CPEB4: variants seen among roughly 807,000 people sequenced by gnomAD.
CPEB4 encodes the protein cytoplasmic polyadenylation element-binding protein 4.
Under a neutral mutation model 72.5 loss-of-function variants are expected in CPEB4, and 12 were observed. That is an observed-to-expected ratio of 0.17 (90% CI 0.11 to 0.27). The LOEUF (loss-of-function observed/expected upper bound fraction) is 0.27, where lower values mean the gene tolerates loss of function less well. Among genes scored for constraint, CPEB4 ranks in the 10% least tolerant of loss-of-function variants. CPEB4 has a pLI of 1.00. For missense variants in CPEB4, 614 were observed against 908.5 expected (o/e 0.68, Z 4.17); for synonymous variants, 302 against 326.3 (o/e 0.93, Z 0.80).
intron 2 of CPEB4, among the ~76,000 whole-genome samples, chr5:173,913,338 C>T (rs1756736878): frequency 6.6e-6 from 1 of 152,066 alleles, no homozygotes; most frequent in African/African-American, 2.4e-5. Context: ...GCTGGGACTA[C>T]AGGCGCCTGC....
chr5:173,930,615 C>A (rs1757411221), intron 2 of CPEB4, among the ~76,000 whole-genome samples: 2 of 152,092 alleles, frequency 1.3e-5, no homozygotes, highest in South Asian at 4.1e-4. Context: ...CCACTCCCTA[C>A]ATAGGACTAA....
At position 173,950,633 on chromosome 5, in the gene CPEB4, TA is replaced by T. The variant is rs779664117; in HGVS notation, c.1665+561del. On this transcript the variant is annotated intron_variant, in intron 7 of 9. Transcript: ENST00000265085. This position sits in a 1 kb window ranked among gnomAD's most constrained non-coding sequence, Gnocchi z 5.0. ...TAAAATAAAATAAAATAAAATAAAATAAAAAACCAGACTTCATTTGATAATG... is the reference window on the plus strand; with the variant it reads ...TAAAATAAAATAAAATAAAATAAAATAAAAACCAGACTTCATTTGATAATG... Among the ~76,000 whole-genome samples, 1 of 139,120 alleles carries T rather than the reference TA, an allele frequency of 7.2e-6. No homozygotes were observed. The highest frequency in any genetic ancestry group is 2.7e-5 in the African/African-American group (1 of 36,510). 91.3% of individuals were successfully genotyped at this position (139,120 alleles called of 152,430 possible).
intron 1 of CPEB4, among the ~76,000 whole-genome samples, chr5:173,902,207 C>T (rs1756261376): frequency 6.6e-6 from 1 of 152,190 alleles, no homozygotes; most frequent in East Asian, 1.9e-4. Flanking sequence ...CTGGCGTACA[C>T]TTTCCTTTCA....
At chr5:173,935,591 G>A (rs543453464) in intron 3 of CPEB4, among the ~76,000 whole-genome samples, 6 of 152,236 alleles carry the variant, frequency 3.9e-5, no homozygotes, top group Non-Finnish European at 7.4e-5. Flanking sequence ...CGATAAAAAT[G>A]TAGAGCAGCT....
At position 173,905,002 on chromosome 5, in the gene CPEB4, AATAATAATAATAAT is replaced by A. The variant is rs1195075360; in HGVS notation, c.1126-5519_1126-5506del. ...TAATAATAATAATAATAATAATAAT[AATAATAATAATAAT>A]AAAAAAATGTAACTTAGAAGATTTG... On this transcript the variant is annotated intron_variant, in intron 1 of 9. Transcript: ENST00000265085. Among the ~76,000 whole-genome samples the A allele has an allele frequency of 2.0e-4, 25 of 123,420 alleles. 1 individual carries two copies. The highest frequency in any genetic ancestry group is 5.4e-4 in the African/African-American group (18 of 33,470). 81.0% of individuals were successfully genotyped at this position (123,420 alleles called of 152,430 possible). A position where few individuals can be genotyped will look rare whatever the true frequency, so the allele number is the denominator to read the frequency against.
chr5:173,920,191 C>T (rs1757021508), intron 2 of CPEB4, among the ~76,000 whole-genome samples: 1 of 152,062 alleles, frequency 6.6e-6, no homozygotes, highest in Non-Finnish European at 1.5e-5. Context: ...TACCTGGTAA[C>T]CAGTCAATTA....
chr5:173,891,109 T>C (rs533432881), intron 1 of CPEB4, among the ~76,000 whole-genome samples: 1 of 150,692 alleles, frequency 6.6e-6, no homozygotes, highest in Non-Finnish European at 1.5e-5. Context: ...GCTGGTGATG[T>C]AGTAATTATT....
chr5:173,911,938 A>G (rs563025998), intron 2 of CPEB4, among the ~76,000 whole-genome samples: 18 of 152,302 alleles, frequency 1.2e-4, no homozygotes, highest in Admixed American at 8.5e-4. Flanking sequence ...TGATGCAGAA[A>G]AACATTTTAT....
chr5:173,890,874 A>T lies in CPEB4; in HGVS notation c.1125+16A>T. On this transcript the variant is annotated intron_variant, in intron 1 of 9. Transcript: ENST00000265085. The stretch of plus-strand genomic sequence containing the variant: ...TCCTTTTCCGGTAAGATTATGTTCC[A>T]TTAATAGATTAGGATGAATAAGGAA... 6.3e-7 allele frequency: 1 copy of T among 1,585,886 alleles called. No homozygotes were observed. The highest frequency in any genetic ancestry group is 2.2e-5 in the East Asian group (1 of 44,736).
rs1756190487 is a variant in CPEB4 at position 173,900,440 on chromosome 5, C to T, written c.1125+9582C>T. Among the ~76,000 whole-genome samples the T allele has an allele frequency of 6.6e-6, 1 of 152,128 alleles. No individual in the cohort carries two copies. Among genetic ancestry groups the T allele is most frequent in the Non-Finnish European group, 1.5e-5 (1 of 68,016 alleles). On this transcript the variant is annotated intron_variant, in intron 1 of 9. Coordinates refer to ENST00000265085, the MANE Select transcript of CPEB4 (RefSeq NM_030627.4). The surrounding 1 kb of genome is among the most constrained non-coding windows in gnomAD (Gnocchi z 4.4). ...AAAAGTTGTACATTAGGGTGGACCC[C>T]TCTCCCTGCTGACGCCGGACCCTGC...
intron 2 of CPEB4, among the ~76,000 whole-genome samples, chr5:173,922,228 CTCTT>C (rs1474655277): frequency 2.6e-5 from 4 of 151,668 alleles, no homozygotes; most frequent in South Asian, 2.1e-4. Flanking sequence ...TTTTCTCTTT[CTCTT>C]TCTTTCTTTC....
At chr5:173,949,149 G>T (rs1461660384) in intron 5 of CPEB4, among the ~76,000 whole-genome samples, 1 of 152,180 alleles carries the variant, frequency 6.6e-6, no homozygotes. Context: ...TCTGTGAATC[G>T]CATAGTAGTG....
chr5:173,913,612 G>T (rs1332371023), intron 2 of CPEB4, among the ~76,000 whole-genome samples: 2 of 152,154 alleles, frequency 1.3e-5, no homozygotes, highest in African/African-American at 4.8e-5. Flanking sequence ...ATTGTTTAAA[G>T]TTCTGCCTTT....
intron 2 of CPEB4, among the ~76,000 whole-genome samples, chr5:173,931,645 T>A (rs1757451175): frequency 6.6e-6 from 1 of 152,204 alleles, no homozygotes; most frequent in Non-Finnish European, 1.5e-5. Flanking sequence ...TAGGTCCATA[T>A]GTGTACTCAG....
At chr5:173,891,383 C>T (rs1161276892) in intron 1 of CPEB4, 1 of 152,262 alleles carries the variant, frequency 6.6e-6, no homozygotes, top group Admixed American at 6.5e-5. Flanking sequence ...TCTGAACAGC[C>T]TGAATTGATG....
intron 3 of CPEB4, among the ~76,000 whole-genome samples, chr5:173,936,908 A>G (rs1561625498): frequency 6.6e-6 from 1 of 151,706 alleles, no homozygotes; most frequent in Non-Finnish European, 1.5e-5. Flanking sequence ...AGAAAGTTAT[A>G]GAGCAAAAAA....
At chr5:173,935,417 T>C (rs1441560169) in intron 3 of CPEB4, among the ~76,000 whole-genome samples, 1 of 152,204 alleles carries the variant, frequency 6.6e-6, no homozygotes, top group East Asian at 1.9e-4. Flanking sequence ...ATTTTAAGAC[T>C]GAAAGGTGCT....
Position 173,958,143 on chromosome 5 carries a change from C to G in CPEB4, c.*2006C>G, listed in dbSNP as rs1201022771. On this transcript the variant is annotated 3_prime_UTR_variant, in exon 10 of 10. Transcript: ENST00000265085. ...TCAGTAAACAGGTGTGATGAGTTAA[C>G]AAGAAATAACACTGTTTGAGAACTA... The G allele has an allele frequency of 6.5e-6, 1 of 152,716 alleles. No homozygotes were observed. Among genetic ancestry groups the G allele is most frequent in the African/African-American group, 2.4e-5 (1 of 41,436 alleles). The allele number at this position is 152,716 out of a possible 1,614,324, so 9.5% of individuals were successfully genotyped here. A position where few individuals can be genotyped will look rare whatever the true frequency, so the allele number is the denominator to read the frequency against.
chr5:173,904,887 C>G (rs890722459), intron 1 of CPEB4, among the ~76,000 whole-genome samples: 11 of 151,556 alleles, frequency 7.3e-5, no homozygotes, highest in Non-Finnish European at 1.5e-4. Context: ...CAGAGGATCA[C>G]TGGAGCCCAG....
Sources: allele counts gnomAD v4.1 joint callset (sites outside exome capture counted in the v4.1 genomes callset), GRCh38; gene constraint gnomAD v4.1.1; non-coding constraint Gnocchi (gnomAD v3.1); transcripts MANE v1.5; gene names NCBI Gene and HGNC (gene_info 2026-07-23, HGNC 2026-07-21).